Variants in EEFSEC observed in about 807,000 individuals in gnomAD.
EEFSEC encodes the protein selenocysteine-specific elongation factor.
A neutral mutation model predicts 42.1 loss-of-function variants in EEFSEC; 43 were observed. The ratio of observed to expected loss-of-function variants is 1.02; its 90% CI spans 0.80 to 1.32. The LOEUF (loss-of-function observed/expected upper bound fraction) is 1.32, where lower values mean the gene tolerates loss of function less well. Among genes scored for constraint, EEFSEC ranks in the 40% most tolerant of loss-of-function variants. EEFSEC has a pLI of 0.00. For missense variants in EEFSEC, 745 were observed against 803.6 expected, an observed-to-expected ratio of 0.93 and a Z score of 0.88; for synonymous variants, 354 against 339.1, an observed-to-expected ratio of 1.04 and a Z score of -0.48.
At chr3:128,257,465 T>A (rs2066252657) in intron 2 of EEFSEC, among the ~76,000 whole-genome samples, 1 of 152,200 alleles carries the variant, frequency 6.6e-6, no homozygotes. Flanking sequence ...TCACCTTTCA[T>A]CTATAAACCA....
intron 1 of EEFSEC, among the ~76,000 whole-genome samples, chr3:128,240,939 T>C (rs1453589796): frequency 1.3e-5 from 2 of 152,228 alleles, no homozygotes; most frequent in Admixed American, 1.3e-4. Context: ...CAAATAATAA[T>C]ATAAGGCTCT....
Position 128,358,221 on chromosome 3 carries a change from T to C in EEFSEC, c.1448T>C (p.Met483Thr), listed in dbSNP as rs928234235. 4.3e-6 allele frequency: 7 copies of C among 1,613,838 alleles called. No individual in the cohort carries two copies. The Admixed American group carries it at 6.7e-5, about 15-fold the overall frequency. The change falls in exon 6 of 7, where the codon ATG becomes ACG. Residue 483 changes from methionine (M) to threonine (T), a missense_variant. By Grantham distance (81) the Met-to-Thr change is moderately conservative. Transcript: ENST00000254730. ...KHKHGLVERA[M>T]DDYSVIGRSL... is the part of the protein sequence containing the mutation. Reference sequence around the variant, plus strand: ...TGGCTGGGTGTGTGGGGACAGGCGATGGATGACTACAGTGTGATCGGCCGC... The same window carrying C: ...TGGCTGGGTGTGTGGGGACAGGCGACGGATGACTACAGTGTGATCGGCCGC...
At chr3:128,274,314 G>A (rs561150591) in intron 4 of EEFSEC, among the ~76,000 whole-genome samples, 17 of 152,294 alleles carry the variant, frequency 1.1e-4, no homozygotes, top group Middle Eastern at 3.4e-3. Flanking sequence ...CCTCCGAGTC[G>A]CAGCAAAGAG....
At chr3:128,193,954 G>C (rs1386319684) in intron 1 of EEFSEC, among the ~76,000 whole-genome samples, 1 of 152,090 alleles carries the variant, frequency 6.6e-6, no homozygotes, top group East Asian at 1.9e-4. Flanking sequence ...GCGGTTTTCT[G>C]TGCAAGTAAA....
chr3:128,168,477 G>C (rs1174003763), intron 1 of EEFSEC, among the ~76,000 whole-genome samples: 2 of 152,220 alleles, frequency 1.3e-5, no homozygotes, highest in East Asian at 3.8e-4. Context: ...TCTGGGGAGA[G>C]AGAGGAAGGC....
At chr3:128,299,257 C>G (rs2066740610) in intron 4 of EEFSEC, among the ~76,000 whole-genome samples, 1 of 152,078 alleles carries the variant, frequency 6.6e-6, no homozygotes, top group Non-Finnish European at 1.5e-5. Flanking sequence ...TTGATTAAAG[C>G]CATTTTAACT....
At chr3:128,337,534 C>T (rs1011922783) in intron 4 of EEFSEC, among the ~76,000 whole-genome samples, 1 of 152,142 alleles carries the variant, frequency 6.6e-6, no homozygotes, top group African/African-American at 2.4e-5. Flanking sequence ...GCTCAAGCCC[C>T]GGCACGTCTG....
chr3:128,379,606 G>T (rs552085277), intron 6 of EEFSEC, among the ~76,000 whole-genome samples: 1 of 152,352 alleles, frequency 6.6e-6, no homozygotes, highest in East Asian at 1.9e-4. Flanking sequence ...CACACAGGGC[G>T]GTGCCAGGGC....
chr3:128,420,721 A>G, the EEFSEC span, among the ~76,000 whole-genome samples: 2 of 152,186 alleles, frequency 1.3e-5, no homozygotes, highest in African/African-American at 4.8e-5. Context: ...GGAGGGGAGA[A>G]GTGGGGGCCC....
chr3:128,180,713 G>A (rs555909370), intron 1 of EEFSEC, among the ~76,000 whole-genome samples: 1 of 152,326 alleles, frequency 6.6e-6, no homozygotes, highest in South Asian at 2.1e-4. Context: ...GCCTGTGAAA[G>A]GAGCAGAGCA....
At chr3:128,246,004 A>C (rs2066122954) in intron 1 of EEFSEC, among the ~76,000 whole-genome samples, 1 of 152,208 alleles carries the variant, frequency 6.6e-6, no homozygotes, top group South Asian at 2.1e-4. Context: ...TCTTCATTTT[A>C]ATAGGGAAAA....
Position 128,341,380 on chromosome 3 carries a change from G to C in EEFSEC, c.934G>C (p.Val312Leu), listed in dbSNP as rs1377642239. 1 of 1,614,166 alleles carries C rather than the reference G, an allele frequency of 6.2e-7. No individual in the cohort carries two copies. The highest frequency in any genetic ancestry group is 1.7e-5 in the Admixed American group (1 of 60,018). ...LVCAPESLHT[V>L]HAALISVEKI... ...GTGTGCCCCCGAGTCCCTGCACACTGTCCATGCGGCCCTCATCTCTGTGGA... is the reference window on the plus strand; with the variant it reads ...GTGTGCCCCCGAGTCCCTGCACACTCTCCATGCGGCCCTCATCTCTGTGGA... The change falls in exon 5 of 7, where the codon GTC (valine) becomes CTC (leucine). Residue 312 changes from valine (V) to leucine (L), a missense_variant. By Grantham distance (32) the Val-to-Leu change is conservative. Transcript: ENST00000254730.
chr3:128,327,798 C>G (rs1467567419), intron 4 of EEFSEC, among the ~76,000 whole-genome samples: 1 of 152,162 alleles, frequency 6.6e-6, no homozygotes, highest in African/African-American at 2.4e-5. Flanking sequence ...GACCCAGGCT[C>G]TGTACTAGGG....
chr3:128,313,633 C>T (rs564809305), intron 4 of EEFSEC, among the ~76,000 whole-genome samples: 25 of 152,228 alleles, frequency 1.6e-4, no homozygotes, highest in Non-Finnish European at 3.4e-4. Context: ...GCAAGTCAGG[C>T]TCTTGGCATC....
chr3:128,288,314 G>T (rs1049909947), intron 4 of EEFSEC, among the ~76,000 whole-genome samples: 1 of 152,146 alleles, frequency 6.6e-6, no homozygotes, highest in Non-Finnish European at 1.5e-5. Flanking sequence ...TTGAGTTTAG[G>T]TCTCCTTACT....
intron 6 of EEFSEC, among the ~76,000 whole-genome samples, chr3:128,383,737 AGG>A (rs1425148641): frequency 1.3e-5 from 2 of 152,224 alleles, no homozygotes; most frequent in Admixed American, 6.5e-5. Context: ...CTGGGGCCAT[AGG>A]GCTGGGACAG....
At chr3:128,177,482 T>G (rs2065362788) in intron 1 of EEFSEC, among the ~76,000 whole-genome samples, 1 of 150,180 alleles carries the variant, frequency 6.7e-6, no homozygotes, top group South Asian at 2.1e-4. Flanking sequence ...TGATGCATTT[T>G]GAAGTTTTTA....
chr3:128,178,280 A>G (rs1186777773), intron 1 of EEFSEC, among the ~76,000 whole-genome samples: 2 of 152,244 alleles, frequency 1.3e-5, no homozygotes, highest in Admixed American at 1.3e-4. Flanking sequence ...AAACATTTAA[A>G]TACCTTTTTT....
At chr3:128,329,817 T>C (rs1410108564) in intron 4 of EEFSEC, among the ~76,000 whole-genome samples, 2 of 152,210 alleles carry the variant, frequency 1.3e-5, no homozygotes, top group African/African-American at 4.8e-5. Flanking sequence ...AGTGCTGGGC[T>C]TTCATAAACC....
Sources: allele counts gnomAD v4.1 joint callset (sites outside exome capture counted in the v4.1 genomes callset), GRCh38; gene constraint gnomAD v4.1.1; transcripts MANE v1.5; gene names NCBI Gene and HGNC (gene_info 2026-07-23, HGNC 2026-07-21).